PRRX2: variants seen among roughly 807,000 people sequenced by gnomAD.
PRRX2 encodes the protein paired related homeobox 2.
Under a neutral mutation model 18.0 loss-of-function variants are expected in PRRX2, and 11 were observed. That is an observed-to-expected ratio of 0.61 (90% CI 0.39 to 1.01). The LOEUF (loss-of-function observed/expected upper bound fraction) is 1.01. Ranked by LOEUF, PRRX2 falls within the 50% of genes least tolerant of loss-of-function variation. The probability of loss-of-function intolerance (pLI) is 0.01; values close to 1 mark genes in which losing one functional copy is unlikely to be tolerated. For synonymous variants in PRRX2, 177 were observed against 154.8 expected (o/e 1.14, Z -1.06); for missense variants, 387 against 351.0 (o/e 1.10, Z -0.82).
intron 1 of PRRX2, among the ~76,000 whole-genome samples, chr9:129,693,990 T>TG (rs1428598871): frequency 6.6e-6 from 1 of 152,056 alleles, no homozygotes; most frequent in African/African-American, 2.4e-5. Flanking sequence ...AGTCCTTGCT[T>TG]GGGGTTTTTC....
In PRRX2 at chr9:129,709,040, T is replaced by G. The variant is rs1156440455; in HGVS notation, c.260-10191T>G. On this transcript the variant is annotated intron_variant, in intron 1 of 3. Transcript: ENST00000372469. This position sits in a 1 kb window ranked among gnomAD's most constrained non-coding sequence, Gnocchi z 4.2. ...CCTAGGAGTCCATAACAAGGAGACC[T>G]GCGCTTGTATGGGAGCCGGGAAGGC... Among the ~76,000 whole-genome samples, 1 of 152,182 alleles carries G rather than the reference T, an allele frequency of 6.6e-6. No individual in the cohort carries two copies. Among genetic ancestry groups the G allele is most frequent in the Non-Finnish European group, 1.5e-5 (1 of 68,030 alleles).
Position 129,709,571 on chromosome 9 carries a change from G to T in PRRX2, c.260-9660G>T, listed in dbSNP as rs1209027977. Among the ~76,000 whole-genome samples, 1 of 152,216 alleles carries T rather than the reference G, an allele frequency of 6.6e-6. No individual in the cohort carries two copies. The highest frequency in any genetic ancestry group is 1.5e-5 in the Non-Finnish European group (1 of 68,042). The stretch of plus-strand genomic sequence containing the variant: ...CTGTGCCGAGGCCGGGGAAGCCATG[G>T]GATGGGGCCCCCTGGGGACCTGTCT... On this transcript the variant is annotated intron_variant, in intron 1 of 3. Transcript: ENST00000372469. This position sits in a 1 kb window ranked among gnomAD's most constrained non-coding sequence, Gnocchi z 4.2.
At chr9:129,668,002 C>T (rs1832048289) in intron 1 of PRRX2, among the ~76,000 whole-genome samples, 2 of 152,158 alleles carry the variant, frequency 1.3e-5, no homozygotes, top group African/African-American at 4.8e-5. Flanking sequence ...GGGGTGGGGT[C>T]TGGGCCAGGC....
chr9:129,672,715 G>A (rs577118348), intron 1 of PRRX2, among the ~76,000 whole-genome samples: 1 of 152,286 alleles, frequency 6.6e-6, no homozygotes, highest in East Asian at 1.9e-4. Flanking sequence ...GTTTGACATG[G>A]GAGTGTGGGG....
chr9:129,681,207 G>A (rs1364410415), intron 1 of PRRX2, among the ~76,000 whole-genome samples: 1 of 152,232 alleles, frequency 6.6e-6, no homozygotes, highest in African/African-American at 2.4e-5. Flanking sequence ...GGACACTGAG[G>A]TCCAAGCAGG....
At chr9:129,704,413 CGGG>C (rs1564152589) in intron 1 of PRRX2, among the ~76,000 whole-genome samples, 1 of 152,082 alleles carries the variant, frequency 6.6e-6, no homozygotes, top group African/African-American at 2.4e-5. Flanking sequence ...TGAGGACACA[CGGG>C]GGCAATTTTT....
In PRRX2 at chr9:129,685,927, C is replaced by T. The variant is rs149543659; in HGVS notation, c.259+19801C>T. 4.2e-3 allele frequency among the ~76,000 whole-genome samples: 644 copies of T among 152,264 alleles called. 2 individuals carry two copies. The highest frequency in any genetic ancestry group is 0.014 in the Middle Eastern group (4 of 294). On this transcript the variant is annotated intron_variant, in intron 1 of 3. Transcript: ENST00000372469. ...ATGGTGGAGTGGCTGGGAGACGTGG[C>T]CAGACCCCCACGCCTTTCTGGACCA...
intron 1 of PRRX2, among the ~76,000 whole-genome samples, chr9:129,701,529 C>A (rs1832497118): frequency 6.6e-6 from 1 of 152,232 alleles, no homozygotes; most frequent in South Asian, 2.1e-4. Context: ...CACTGCATAA[C>A]TGCAGGGGAC....
In PRRX2 at chr9:129,706,707, G is replaced by T. The variant is rs551720188; in HGVS notation, c.260-12524G>T. Among the ~76,000 whole-genome samples, 5 of 152,270 alleles carry T rather than the reference G, an allele frequency of 3.3e-5. No individual in the cohort carries two copies. The South Asian group carries it at 1.0e-3, about 32-fold the overall frequency. ...CGCAAAACTGCACTCTAGCCTGAGT[G>T]CAGAGGAAGACCATCTCAAAAAATA... On this transcript the variant is annotated intron_variant, in intron 1 of 3. Transcript: ENST00000372469.
In PRRX2 at chr9:129,665,720, C is replaced by G. The variant is rs1832009511; in HGVS notation, c.-148C>G. On this transcript the variant is annotated 5_prime_UTR_variant, in exon 1 of 4. Transcript: ENST00000372469. The surrounding 1 kb of genome is among the most constrained non-coding windows in gnomAD (Gnocchi z 5.3). ...GGCGGAAAGTTTGTTTCCCCGACGT[C>G]AGCGCCGGGCGGGCCGCGAGGCTAG... The G allele has an allele frequency of 1.9e-6, 1 of 519,022 alleles. No homozygotes were observed. The highest frequency in any genetic ancestry group is 2.5e-6 in the Non-Finnish European group (1 of 400,812). The allele number at this position is 519,022 out of a possible 1,614,324, so 32.2% of individuals were successfully genotyped here. A position where few individuals can be genotyped will look rare whatever the true frequency, so the allele number is the denominator to read the frequency against.
Position 129,665,764 on chromosome 9 carries a change from C to A in PRRX2, c.-104C>A. 1 of 853,000 alleles carries A rather than the reference C, an allele frequency of 1.2e-6. No individual in the cohort carries two copies. The highest frequency in any genetic ancestry group is 1.8e-5 in the African/African-American group (1 of 54,528). The allele number at this position is 853,000 out of a possible 1,614,324, so 52.8% of individuals were successfully genotyped here. ...AGGCTAGGAGGCGGCGGGAGCTGGG[C>A]AGAGCGCGGGGCGGCCGGGGCTCTC... On this transcript the variant is annotated 5_prime_UTR_variant, in exon 1 of 4. Coordinates refer to ENST00000372469, the MANE Select transcript of PRRX2 (RefSeq NM_016307.4). This position sits in a 1 kb window ranked among gnomAD's most constrained non-coding sequence, Gnocchi z 5.3.
chr9:129,712,103 C>T (rs1173470055), intron 1 of PRRX2, among the ~76,000 whole-genome samples: 2 of 152,210 alleles, frequency 1.3e-5, no homozygotes, highest in Admixed American at 1.3e-4. Context: ...CTCCGAGGCT[C>T]CTCTGAGAAG....
chr9:129,694,785 C>T (rs1317319503), intron 1 of PRRX2, among the ~76,000 whole-genome samples: 2 of 152,134 alleles, frequency 1.3e-5, no homozygotes, highest in Non-Finnish European at 2.9e-5. Context: ...TTTAAAGTAC[C>T]TGGCACATAG....
chr9:129,722,112 G>T (rs987268082), intron 3 of PRRX2, 105 bp from the exon 4 acceptor site: 101 of 1,489,804 alleles, frequency 6.8e-5, no homozygotes, highest in Non-Finnish European at 8.6e-5. Context: ...GGCTGCCCAG[G>T]AGAGCAAGCT....
rs897807963 is a variant in PRRX2 at position 129,711,399 on chromosome 9, C to CTTTTTTTT, written c.260-7815_260-7808dup. 7.1e-5 allele frequency among the ~76,000 whole-genome samples: 6 copies of CTTTTTTTT among 85,024 alleles called. 1 individual carries two copies. The highest frequency in any genetic ancestry group is 1.3e-4 in the Non-Finnish European group (6 of 45,074). The allele number at this position is 85,024 out of a possible 152,430, so 55.8% of individuals were successfully genotyped here. A position where few individuals can be genotyped will look rare whatever the true frequency, so the allele number is the denominator to read the frequency against. On this transcript the variant is annotated intron_variant, in intron 1 of 3. Coordinates refer to ENST00000372469, the MANE Select transcript of PRRX2 (RefSeq NM_016307.4). ...ATTCCCATTTTTCAGGTGAGATTCT[C>CTTTTTTTT]TTTTTTTTTTTTTTTTTTTTTTTTG...
At chr9:129,684,505 CACACACACACACA>C (rs1832277075) in intron 1 of PRRX2, among the ~76,000 whole-genome samples, 1 of 53,744 alleles carries the variant, frequency 1.9e-5, no homozygotes, top group East Asian at 2.4e-4. Flanking sequence ...CACACACACA[CACACACACACACA>C]CACACCCACA....
At chr9:129,719,969 A>C (rs952724623) in intron 2 of PRRX2, among the ~76,000 whole-genome samples, 1 of 151,974 alleles carries the variant, frequency 6.6e-6, no homozygotes, top group African/African-American at 2.4e-5. Flanking sequence ...CCTGGGTGAC[A>C]GAGTGAGACC....
chr9:129,685,540 T>C (rs1356710937), intron 1 of PRRX2, among the ~76,000 whole-genome samples: 1 of 151,952 alleles, frequency 6.6e-6, no homozygotes, highest in Non-Finnish European at 1.5e-5. Context: ...ATTCTTTAAA[T>C]TTTTTGTAGA....
intron 1 of PRRX2, among the ~76,000 whole-genome samples, chr9:129,717,468 G>A (rs540094450): frequency 1.6e-4 from 25 of 152,174 alleles, no homozygotes; most frequent in South Asian, 2.1e-4. Context: ...AGGCGAGGCG[G>A]GCAGATTGCT....
Sources: gnomAD v4.1 joint callset for allele counts (sites outside exome capture counted in the v4.1 genomes callset) on GRCh38, gnomAD v4.1.1 for gene constraint, Gnocchi (gnomAD v3.1) non-coding constraint, MANE v1.5 for transcripts, NCBI Gene and HGNC (gene_info 2026-07-23, HGNC 2026-07-21) for gene names.